LEKR1: variants seen among roughly 807,000 people sequenced by gnomAD.
The protein encoded by LEKR1 is protein LEKR1.
Under a neutral mutation model 72.4 loss-of-function variants are expected in LEKR1, and 59 were observed. The observed-to-expected ratio is 0.82, with a 90% CI of 0.66 to 1.01. The LOEUF is 1.01. Among genes scored for constraint, LEKR1 ranks in the 50% least tolerant of loss-of-function variants. The probability of loss-of-function intolerance (pLI) is 0.00; values close to 1 mark genes in which losing one functional copy is unlikely to be tolerated. For missense variants in LEKR1, 728 were observed against 759.2 expected, an observed-to-expected ratio of 0.96 and a Z score of 0.48; for synonymous variants, 257 against 263.2, an observed-to-expected ratio of 0.98 and a Z score of 0.23.
intron 6 of LEKR1, among the ~76,000 whole-genome samples, chr3:156,944,145 GTCCCAT>G (rs1726474195): frequency 6.6e-6 from 1 of 151,194 alleles, no homozygotes; most frequent in South Asian, 2.1e-4. Context: ...TATTAAAGTA[GTCCCAT>G]TCCTAGATAG....
At chr3:156,878,448 T>C (rs566261912) in intron 3 of LEKR1, among the ~76,000 whole-genome samples, 103 of 152,340 alleles carry the variant, frequency 6.8e-4, no homozygotes, top group Non-Finnish European at 1.2e-3. Context: ...GCATTCCTTT[T>C]CAAGTTAATT....
intron 10 of LEKR1, among the ~76,000 whole-genome samples, chr3:157,013,126 C>T (rs1176803138): frequency 1.3e-5 from 2 of 152,084 alleles, no homozygotes; most frequent in Non-Finnish European, 2.9e-5. Context: ...ATATTATAAA[C>T]TTCCCATCCT....
intron 3 of LEKR1, among the ~76,000 whole-genome samples, chr3:156,861,594 T>C (rs1716767524): frequency 6.6e-6 from 1 of 151,946 alleles, no homozygotes; most frequent in Non-Finnish European, 1.5e-5. Context: ...TGCTTGGGCA[T>C]AGGAACATGG....
chr3:157,040,543 T>G (rs947425292), intron 12 of LEKR1, among the ~76,000 whole-genome samples: 3 of 152,226 alleles, frequency 2.0e-5, no homozygotes, highest in African/African-American at 7.2e-5. Flanking sequence ...TCAGATTAGT[T>G]GAACAGAAGC....
In LEKR1 at chr3:156,837,311, A is replaced by T. The variant is rs541887048; in HGVS notation, c.48+7934A>T. On this transcript the variant is annotated intron_variant, in intron 2 of 12. Coordinates refer to ENST00000356539, the MANE Select transcript of LEKR1 (RefSeq NM_001004316.3). ...TTTAAGACAAGACTCACCCAAAGGC[A>T]TGACACATTTGGGATGAAGAGTGTG... Among the ~76,000 whole-genome samples, 4 of 152,354 alleles carry T rather than the reference A, an allele frequency of 2.6e-5. No homozygotes were observed. In the South Asian group the frequency reaches 8.3e-4, roughly 32 times the overall value.
chr3:156,904,418 T>G (rs544140510), intron 3 of LEKR1, among the ~76,000 whole-genome samples: 11 of 103,056 alleles, frequency 1.1e-4, no homozygotes, highest in East Asian at 4.3e-4. Context: ...CAGAATCATG[T>G]TTTTTTTTTT....
rs1734359327 is a variant in LEKR1 at position 157,028,371 on chromosome 3, T to A, written c.1637T>A (p.Leu546Gln). The A allele has an allele frequency of 6.2e-7, 1 of 1,608,470 alleles. No homozygotes were observed. The highest frequency in any genetic ancestry group is 1.3e-5 in the African/African-American group (1 of 74,578). Residue 546 changes from leucine (L) to glutamine (Q), a missense_variant, in exon 12 of 13, where the codon CTG becomes CAG. Leu to Gln is a moderately radical substitution (Grantham distance 113, BLOSUM62 -2). Transcript: ENST00000356539. ...AGAGTAATGCTGGCTCAAACACAAC[T>A]GATAGAGCAATTTAACCAGTCCCAG... ...LKRVMLAQTQ[L>Q]IEQFNQSQEE... is the part of the protein sequence containing the mutation.
intron 10 of LEKR1, among the ~76,000 whole-genome samples, chr3:157,020,255 TTTATTATTA>T (rs139276879): frequency 0.093 from 13,046 of 140,304 alleles, 648 homozygotes; most frequent in African/African-American, 0.12. Flanking sequence ...CTGATTTTCT[TTTATTATTA>T]TTATTATTAT....
chr3:156,839,032 A>AT (rs1331245947), intron 2 of LEKR1, among the ~76,000 whole-genome samples: 13 of 152,198 alleles, frequency 8.5e-5, no homozygotes, highest in Non-Finnish European at 1.5e-4. Context: ...GGAAAAAAAA[A>AT]GGACACAAAA....
Position 156,886,402 on chromosome 3 carries a change from C to T in LEKR1, c.263+33420C>T, listed in dbSNP as rs529195378. 1.4e-4 allele frequency among the ~76,000 whole-genome samples: 21 copies of T among 152,244 alleles called. No homozygotes were observed. The South Asian group carries it at 1.5e-3, about 11-fold the overall frequency. Reference sequence around the variant, plus strand: ...CCCCATATGCCCACTCCATCAGTGGCGCCTCCTGGGCTCTCCTGCACTTGC... The same window carrying T: ...CCCCATATGCCCACTCCATCAGTGGTGCCTCCTGGGCTCTCCTGCACTTGC... On this transcript the variant is annotated intron_variant, in intron 3 of 12. Transcript: ENST00000356539.
intron 3 of LEKR1, among the ~76,000 whole-genome samples, chr3:156,901,132 G>T (rs1306226119): frequency 1.3e-5 from 2 of 152,008 alleles, no homozygotes; most frequent in Admixed American, 6.6e-5. Flanking sequence ...TGCCTAGCTT[G>T]ATTATTACAT....
intron 5 of LEKR1, among the ~76,000 whole-genome samples, chr3:156,930,352 A>T (rs1725103989): frequency 6.6e-6 from 1 of 152,022 alleles, no homozygotes; most frequent in African/African-American, 2.4e-5. Context: ...ATTTTTTTTT[A>T]AAAACTCACA....
At chr3:157,011,981 G>A (rs192658761) in intron 10 of LEKR1, among the ~76,000 whole-genome samples, 3 of 152,050 alleles carry the variant, frequency 2.0e-5, no homozygotes, top group Admixed American at 6.6e-5. Context: ...TATTTACAGA[G>A]AAATGTTTGC....
At chr3:156,969,030 G>C (rs1458087565) in intron 6 of LEKR1, among the ~76,000 whole-genome samples, 1 of 151,972 alleles carries the variant, frequency 6.6e-6, no homozygotes, top group Non-Finnish European at 1.5e-5. Context: ...ATGACTACTG[G>C]GTACATAATG....
chr3:156,892,187 C>T lies in LEKR1; in HGVS notation c.264-28388C>T, dbSNP rs79897403. The stretch of plus-strand genomic sequence containing the variant: ...GGCAGGTGGGTAGGAGGTCTCTAAG[C>T]GGGGGAATCATATGGCAATAGGTGT... On this transcript the variant is annotated intron_variant, in intron 3 of 12. Transcript: ENST00000356539. 2.2e-3 allele frequency among the ~76,000 whole-genome samples: 333 copies of T among 151,996 alleles called. 1 individual carries two copies. The highest frequency in any genetic ancestry group is 7.7e-3 in the African/African-American group (319 of 41,456).
At chr3:156,853,481 C>G (rs1464682722) in intron 3 of LEKR1, among the ~76,000 whole-genome samples, 1 of 151,942 alleles carries the variant, frequency 6.6e-6, no homozygotes, top group Non-Finnish European at 1.5e-5. Flanking sequence ...AATCAGCAAT[C>G]TAGCCTGCCT....
At chr3:156,866,356 T>G (rs956196810) in intron 3 of LEKR1, among the ~76,000 whole-genome samples, 1 of 152,048 alleles carries the variant, frequency 6.6e-6, no homozygotes, top group Non-Finnish European at 1.5e-5. Context: ...CTCTTTCCTT[T>G]GTTTCTTCCT....
intron 7 of LEKR1, among the ~76,000 whole-genome samples, chr3:156,986,285 G>A (rs960267100): frequency 6.6e-6 from 1 of 152,222 alleles, no homozygotes; most frequent in Non-Finnish European, 1.5e-5. Context: ...GCAATGGGAA[G>A]CTTGGGGAGA....
At chr3:156,951,427 G>A (rs186890784) in intron 6 of LEKR1, among the ~76,000 whole-genome samples, 6 of 151,636 alleles carry the variant, frequency 4.0e-5, no homozygotes, top group Non-Finnish European at 4.4e-5. Context: ...GTTTCACTAC[G>A]AATGGTTCCA....
Sources: gnomAD v4.1 joint callset for allele counts (sites outside exome capture counted in the v4.1 genomes callset) on GRCh38, gnomAD v4.1.1 for gene constraint, MANE v1.5 for transcripts, NCBI Gene and HGNC (gene_info 2026-07-23, HGNC 2026-07-21) for gene names.